The following PLA2R1 variants were observed in gnomAD, a reference collection of about 807,000 sequenced individuals.
The protein encoded by PLA2R1 is secretory phospholipase A2 receptor.
Under a neutral mutation model 195.9 loss-of-function variants are expected in PLA2R1, and 158 were observed. That is an observed-to-expected ratio of 0.81 (90% CI 0.71 to 0.92). The LOEUF is 0.92. Ranked by LOEUF, PLA2R1 falls within the 40% of genes least tolerant of loss-of-function variation. PLA2R1 has a pLI of 0.00. For missense variants in PLA2R1, 1,626 were observed against 1,764.6 expected (o/e 0.92, Z 1.41); for synonymous variants, 586 against 598.2 (o/e 0.98, Z 0.30).
the PLA2R1 span, among the ~76,000 whole-genome samples, chr2:159,923,970 T>C: frequency 6.6e-6 from 1 of 152,190 alleles, no homozygotes; most frequent in Non-Finnish European, 1.5e-5. Context: ...CTCACAATTC[T>C]GGAGGTCAGA....
In PLA2R1 at chr2:160,013,376, C is replaced by T. The variant is rs1238098646; in HGVS notation, c.1552-1G>A. The T allele has an allele frequency of 6.4e-7, 1 of 1,564,096 alleles. No individual in the cohort carries two copies. The highest frequency in any genetic ancestry group is 1.7e-5 in the Admixed American group (1 of 59,414). On this transcript the variant is annotated splice_acceptor_variant, in intron 9 of 29. Coordinates refer to ENST00000283243, the MANE Select transcript of PLA2R1 (RefSeq NM_007366.5). LOFTEE classifies it high-confidence loss of function. Reference sequence around the variant, plus strand: ...AGAATCCACCATGTCTCTCCCATCCCTTAAAAAGAATAAAAGGGAAATTAA... The same window carrying T: ...AGAATCCACCATGTCTCTCCCATCCTTTAAAAAGAATAAAAGGGAAATTAA...
At chr2:159,994,479 T>C (rs372534806) in intron 11 of PLA2R1, among the ~76,000 whole-genome samples, 8 of 152,130 alleles carry the variant, frequency 5.3e-5, no homozygotes, top group Non-Finnish European at 8.8e-5. Flanking sequence ...ATTTAGAAAT[T>C]TGAGCATTAA....
Position 160,022,768 on chromosome 2 carries a change from C to T in PLA2R1, c.1191G>A (p.Lys397=), listed in dbSNP as rs1446734027. 6.2e-7 allele frequency: 1 copy of T among 1,613,540 alleles called. No homozygotes were observed. Among genetic ancestry groups the T allele is most frequent in the Non-Finnish European group, 8.5e-7 (1 of 1,179,432 alleles). Residue 397 remains lysine, a synonymous_variant, in exon 7 of 30, where the codon AAG becomes AAA. Coordinates refer to ENST00000283243, the MANE Select transcript of PLA2R1 (RefSeq NM_007366.5). ...RNCYKLQKEE[K]TWHEALRSCQ... ...AAGAACGCAGAGCCTCATGCCAGGT[C>T]TTTTCTTCTTTCTGAAGTTTGTAGC...
chr2:160,061,495 G>A (rs1319139625), intron 1 of PLA2R1, among the ~76,000 whole-genome samples: 3 of 152,126 alleles, frequency 2.0e-5, no homozygotes, highest in East Asian at 1.9e-4. Context: ...GTTTTCAGGC[G>A]GGGTGCGGTG....
At chr2:160,016,531 GA>G (rs1172034943) in intron 9 of PLA2R1, 82 bp downstream of exon 9, 2 of 733,524 alleles carry the variant, frequency 2.7e-6, no homozygotes, top group Non-Finnish European at 4.9e-6. Context: ...AGGAGAAAGA[GA>G]AATTCACTTC....
chr2:160,027,653 A>T (rs1693608207), intron 6 of PLA2R1, among the ~76,000 whole-genome samples: 1 of 152,222 alleles, frequency 6.6e-6, no homozygotes, highest in African/African-American at 2.4e-5. Context: ...TGGAGCTAAG[A>T]CATTAATTCT....
chr2:160,000,020 A>G (rs1691485224), intron 11 of PLA2R1, among the ~76,000 whole-genome samples: 1 of 152,186 alleles, frequency 6.6e-6, no homozygotes, highest in South Asian at 2.1e-4. Flanking sequence ...ATGAAGTAAA[A>G]GTATGAACCA....
At chr2:159,998,073 G>A (rs933324071) in intron 11 of PLA2R1, among the ~76,000 whole-genome samples, 1 of 151,944 alleles carries the variant, frequency 6.6e-6, no homozygotes, top group Non-Finnish European at 1.5e-5. Context: ...ATGTGTATAG[G>A]CCACAATCAT....
In PLA2R1 at chr2:160,062,307, G is replaced by A. The variant is rs1352703618; in HGVS notation, c.97C>T (p.Leu33=). 28 of 1,505,964 alleles carry A rather than the reference G, an allele frequency of 1.9e-5. No homozygotes were observed. The highest frequency in any genetic ancestry group is 2.3e-5 in the Non-Finnish European group (26 of 1,128,134). The allele number at this position is 1,505,964 out of a possible 1,614,324, so 93.3% of individuals were successfully genotyped here. Residue 33 remains leucine, a synonymous_variant, in exon 1 of 30, where the codon CTG becomes TTG. Coordinates refer to ENST00000283243, the MANE Select transcript of PLA2R1 (RefSeq NM_007366.5). ...CTGGGAGACTCACCCTGCCACTCCA[G>A]GAGCCGCTCGGGGGTAAGCGCCGCC... ...VAAALTPERL[L]EWQDKGIFVI...
Position 159,940,587 on chromosome 2 carries a change from C to G in PLA2R1, c.*1191G>C, listed in dbSNP as rs1560125223. The G allele has an allele frequency of 6.6e-6, 1 of 152,120 alleles. No individual in the cohort carries two copies. Among genetic ancestry groups the G allele is most frequent in the African/African-American group, 2.4e-5 (1 of 41,428 alleles). The allele number at this position is 152,120 out of a possible 1,614,324, so 9.4% of individuals were successfully genotyped here. On this transcript the variant is annotated 3_prime_UTR_variant, in exon 30 of 30. Coordinates refer to ENST00000283243, the MANE Select transcript of PLA2R1 (RefSeq NM_007366.5). The stretch of plus-strand genomic sequence containing the variant: ...TTTTTTCTTGATAAAATTCAATAAA[C>G]AGTTATGTAATGAGTAAATTTTTAG...
At position 159,940,366 on chromosome 2, in the gene PLA2R1, C is replaced by T. The variant is rs1348696360; in HGVS notation, c.*1412G>A. The T allele has an allele frequency of 6.6e-6, 1 of 152,314 alleles. No homozygotes were observed. The highest frequency in any genetic ancestry group is 6.5e-5 in the Admixed American group (1 of 15,302). The allele number at this position is 152,314 out of a possible 1,614,324, so 9.4% of individuals were successfully genotyped here. A position where few individuals can be genotyped will look rare whatever the true frequency, so the allele number is the denominator to read the frequency against. ...TGGCATGAAAAGATAGCCCTTACCC[C>T]AAGTTGCTCACCTTAGTACCTCTGT... On this transcript the variant is annotated 3_prime_UTR_variant, in exon 30 of 30. Coordinates refer to ENST00000283243, the MANE Select transcript of PLA2R1 (RefSeq NM_007366.5).
intron 20 of PLA2R1, among the ~76,000 whole-genome samples, chr2:159,960,916 G>A (rs1688394748): frequency 6.6e-6 from 1 of 152,090 alleles, no homozygotes. Flanking sequence ...TAATATATTG[G>A]AACTCATTTC....
chr2:160,036,277 T>C (rs2105548406), intron 3 of PLA2R1, among the ~76,000 whole-genome samples: 1 of 152,368 alleles, frequency 6.6e-6, no homozygotes, highest in South Asian at 2.1e-4. Flanking sequence ...TTTCCAAATG[T>C]ATATCTCCAT....
chr2:160,005,532 G>T, intron 11 of PLA2R1, 120 bp downstream of exon 11: 1 of 706,576 alleles, frequency 1.4e-6, no homozygotes, highest in Non-Finnish European at 2.4e-6. Context: ...GTTGATCCTT[G>T]TAATTGATTT....
At chr2:160,013,479 A>G in intron 9 of PLA2R1, 104 bp from the exon 10 acceptor site, 1 of 573,136 alleles carries the variant, frequency 1.7e-6, no homozygotes, top group Admixed American at 3.1e-5. Context: ...TTCTTCTCTT[A>G]CTCCTTTAAA....
chr2:160,062,318 G>A lies in PLA2R1; in HGVS notation c.86C>T (p.Pro29Leu), dbSNP rs567452605. Residue 29 changes from proline to leucine, a missense_variant, in exon 1 of 30, where the codon CCC becomes CTC. Transcript: ENST00000283243. Reference sequence around the variant, plus strand: ...ACCCTGCCACTCCAGGAGCCGCTCGGGGGTAAGCGCCGCCGCCACACCCTC... The same window carrying A: ...ACCCTGCCACTCCAGGAGCCGCTCGAGGGTAAGCGCCGCCGCCACACCCTC... ...CAEGVAAALT[P>L]ERLLEWQDKG... is the part of the protein sequence containing the mutation. The A allele has an allele frequency of 4.6e-6, 7 of 1,523,170 alleles. No homozygotes were observed. The highest frequency in any genetic ancestry group is 2.6e-5 in the East Asian group (1 of 37,918). The allele number at this position is 1,523,170 out of a possible 1,614,324, so 94.4% of individuals were successfully genotyped here. A position where few individuals can be genotyped will look rare whatever the true frequency, so the allele number is the denominator to read the frequency against.
In PLA2R1 at chr2:159,975,704, C is replaced by T. The variant is rs192729721; in HGVS notation, c.2595+364G>A. ...CTTTCTTCCCAGACGAGAATATAAA[C>T]TCCATGAAGATAGGAATTTGGGTCT... On this transcript the variant is annotated intron_variant, in intron 17 of 29. Coordinates refer to ENST00000283243, the MANE Select transcript of PLA2R1 (RefSeq NM_007366.5). Among the ~76,000 whole-genome samples the T allele has an allele frequency of 1.8e-4, 27 of 152,146 alleles. 1 individual carries two copies. The East Asian group carries it at 4.4e-3, about 25-fold the overall frequency.
chr2:160,012,279 G>A (rs1288681937), intron 10 of PLA2R1, among the ~76,000 whole-genome samples: 3 of 152,244 alleles, frequency 2.0e-5, no homozygotes, highest in Non-Finnish European at 4.4e-5. Flanking sequence ...GTTCTACCCC[G>A]CTTCTGTCTT....
chr2:159,940,525 C>CTGGGACT lies in PLA2R1; in HGVS notation c.*1246_*1252dup, dbSNP rs1166605513. On this transcript the variant is annotated 3_prime_UTR_variant, in exon 30 of 30. Transcript: ENST00000283243. ...CCTCTTCCCTCAGCCTCCTAAGTAG[C>CTGGGACT]TGGGACTACAGGTGCGTGCCACCAT... 1 of 152,198 alleles carries CTGGGACT rather than the reference C, an allele frequency of 6.6e-6. No individual in the cohort carries two copies. The allele number at this position is 152,198 out of a possible 1,614,324, so 9.4% of individuals were successfully genotyped here.
Sources: allele counts gnomAD v4.1 joint callset (sites outside exome capture counted in the v4.1 genomes callset), GRCh38; gene constraint gnomAD v4.1.1; transcripts MANE v1.5; gene names NCBI Gene and HGNC (gene_info 2026-07-23, HGNC 2026-07-21).